The following CHRM2 variants were observed in gnomAD, a reference collection of about 807,000 sequenced individuals.
CHRM2 encodes the protein muscarinic acetylcholine receptor M2.
In CHRM2, 8 loss-of-function variants were observed where a neutral mutation model predicts 25.0. The observed-to-expected ratio is 0.32, with a 90% CI of 0.19 to 0.58. CHRM2 has a LOEUF of 0.58. Among genes scored for constraint, CHRM2 ranks in the 20% least tolerant of loss-of-function variants. The pLI, the probability that CHRM2 is intolerant of heterozygous loss-of-function variation, is 0.88. For synonymous variants in CHRM2, 202 were observed against 205.7 expected (o/e 0.98, Z 0.15); for missense variants, 440 against 567.1 (o/e 0.78, Z 2.28).
chr7:136,997,943 A>G (rs1009042212), intron 3 of CHRM2, among the ~76,000 whole-genome samples: 1 of 152,214 alleles, frequency 6.6e-6, no homozygotes, highest in African/African-American at 2.4e-5. Context: ...CAGAGGTGTC[A>G]GTTAATTGAG....
In CHRM2 at chr7:137,014,983, G is replaced by A. The variant is rs779754715; in HGVS notation, c.118G>A (p.Gly40Arg). The change falls in exon 4 of 4, where the codon GGG (glycine) becomes AGG (arginine). Residue 40 changes from glycine (G) to arginine (R), a missense_variant. Coordinates refer to ENST00000680005, the MANE Select transcript of CHRM2 (RefSeq NM_001006630.2). ...ATCCCTCAGTTTGGTGACCATTATC[G>A]GGAACATCCTAGTCATGGTTTCCAT... ...AGSLSLVTIIGNILVMVSIKV... is the reference protein window; with the variant it reads ...AGSLSLVTIIRNILVMVSIKV... 1 of 1,613,164 alleles carries A rather than the reference G, an allele frequency of 6.2e-7. No homozygotes were observed. The highest frequency in any genetic ancestry group is 1.1e-5 in the South Asian group (1 of 91,066).
At chr7:136,973,566 C>T (rs1485054190) in intron 2 of CHRM2, among the ~76,000 whole-genome samples, 6 of 79,428 alleles carry the variant, frequency 7.6e-5, no homozygotes, top group African/African-American at 2.0e-4. Context: ...TAGGTGATGA[C>T]GGTGACGGTG....
At chr7:136,941,763 TTGAGAC>T (rs1234924793) in intron 2 of CHRM2, among the ~76,000 whole-genome samples, 2 of 152,206 alleles carry the variant, frequency 1.3e-5, no homozygotes, top group African/African-American at 2.4e-5. Context: ...ATTGTTAACT[TTGAGAC>T]TGTTGTAAGG....
At chr7:136,970,705 A>T (rs202154849) in intron 2 of CHRM2, among the ~76,000 whole-genome samples, 2 of 151,894 alleles carry the variant, frequency 1.3e-5, no homozygotes, top group Non-Finnish European at 2.9e-5. Context: ...CTGAAAAAAA[A>T]GTTTTTCAAA....
At chr7:136,978,091 G>C (rs951422335) in intron 2 of CHRM2, among the ~76,000 whole-genome samples, 1 of 152,060 alleles carries the variant, frequency 6.6e-6, no homozygotes, top group African/African-American at 2.4e-5. Flanking sequence ...GGGAACACGG[G>C]CTGGAAAACT....
chr7:136,924,317 T>C (rs1798613464), intron 2 of CHRM2, among the ~76,000 whole-genome samples: 1 of 151,446 alleles, frequency 6.6e-6, no homozygotes, highest in South Asian at 2.1e-4. Flanking sequence ...ACCCAGTAAC[T>C]CGTCATTTAA....
chr7:136,930,574 A>G (rs1439682786), intron 2 of CHRM2, among the ~76,000 whole-genome samples: 4 of 135,716 alleles, frequency 2.9e-5, no homozygotes, highest in Non-Finnish European at 4.7e-5. Context: ...AGCTAAAATC[A>G]TCAGTGCTTA....
intron 3 of CHRM2, among the ~76,000 whole-genome samples, chr7:137,005,727 T>A (rs1278564751): frequency 6.6e-6 from 1 of 152,120 alleles, no homozygotes; most frequent in African/African-American, 2.4e-5. Flanking sequence ...CTAGAACAAC[T>A]GCTTTTATTC....
At chr7:136,917,160 CT>C (rs11335309) in intron 2 of CHRM2, among the ~76,000 whole-genome samples, 41,080 of 144,904 alleles carry the variant, frequency 0.28, 5,697 homozygotes, top group East Asian at 0.4. Context: ...AGCTTTCTCA[CT>C]TTTTTTTTTT....
intron 2 of CHRM2, among the ~76,000 whole-genome samples, chr7:136,878,816 T>C (rs1796148523): frequency 6.6e-6 from 1 of 151,838 alleles, no homozygotes; most frequent in Non-Finnish European, 1.5e-5. Flanking sequence ...ACATCTAAGG[T>C]CAAGGATCAG....
intron 2 of CHRM2, chr7:136,871,915 A>G (rs1047615346): frequency 2.0e-5 from 3 of 148,740 alleles, no homozygotes; most frequent in African/African-American, 2.4e-5. Context: ...TGTTACTACT[A>G]TTATCAAAAT....
At chr7:136,962,806 C>T (rs529010427) in intron 2 of CHRM2, among the ~76,000 whole-genome samples, 1 of 152,248 alleles carries the variant, frequency 6.6e-6, no homozygotes, top group Non-Finnish European at 1.5e-5. Context: ...TGAAAAACCG[C>T]CTCATTGTGA....
chr7:136,999,166 A>G (rs1441694744), intron 3 of CHRM2, among the ~76,000 whole-genome samples: 1 of 152,154 alleles, frequency 6.6e-6, no homozygotes, highest in Non-Finnish European at 1.5e-5. Context: ...AATGGAAATC[A>G]GTTGAGTCAT....
At chr7:136,988,590 C>A (rs1237509879) in intron 2 of CHRM2, among the ~76,000 whole-genome samples, 1 of 152,016 alleles carries the variant, frequency 6.6e-6, no homozygotes, top group African/African-American at 2.4e-5. Context: ...CCAATGGTAC[C>A]GTCAGCTTCA....
intron 2 of CHRM2, among the ~76,000 whole-genome samples, chr7:136,980,767 C>T (rs1228527540): frequency 6.6e-6 from 1 of 152,140 alleles, no homozygotes; most frequent in African/African-American, 2.4e-5. Flanking sequence ...TGTGTTGAAC[C>T]AGCCTTGCAT....
chr7:136,971,223 T>G (rs1209287586), intron 2 of CHRM2, among the ~76,000 whole-genome samples: 1 of 152,180 alleles, frequency 6.6e-6, no homozygotes, highest in East Asian at 1.9e-4. Flanking sequence ...GCTAAAATAG[T>G]TGTCCTCAAG....
chr7:136,933,479 A>G (rs1434005472), intron 2 of CHRM2, among the ~76,000 whole-genome samples: 2 of 152,204 alleles, frequency 1.3e-5, no homozygotes, highest in African/African-American at 4.8e-5. Context: ...TACGTTGTTG[A>G]TAAGAATGAA....
Position 137,015,584 on chromosome 7 carries a change from T to C in CHRM2, c.719T>C (p.Ile240Thr), listed in dbSNP as rs749964257. The C allele has an allele frequency of 1.9e-6, 3 of 1,612,650 alleles. No individual in the cohort carries two copies. Among genetic ancestry groups the C allele is most frequent in the Admixed American group, 3.3e-5 (2 of 59,828 alleles). Residue 240 changes from isoleucine (I) to threonine (T), a missense_variant, in exon 4 of 4, where the codon ATA (isoleucine) becomes ACA (threonine). Ile to Thr is a moderately conservative substitution (Grantham distance 89). Coordinates refer to ENST00000680005, the MANE Select transcript of CHRM2 (RefSeq NM_001006630.2). The surrounding 1 kb of genome is among the most constrained non-coding windows in gnomAD (Gnocchi z 5.1). The part of the protein sequence containing the change: ...PVSPSLVQGR[I>T]VKPNNNNMPS... ...TCTCCAAGTCTGGTACAAGGAAGGA[T>C]AGTGAAGCCAAACAATAACAACATG...
intron 2 of CHRM2, among the ~76,000 whole-genome samples, chr7:136,930,192 G>T (rs1798979472): frequency 6.6e-6 from 1 of 152,084 alleles, no homozygotes; most frequent in African/African-American, 2.4e-5. Context: ...CAGCACTTTG[G>T]GAAGCCGACG....
Sources: gnomAD v4.1 joint callset for allele counts (sites outside exome capture counted in the v4.1 genomes callset) on GRCh38, gnomAD v4.1.1 for gene constraint, Gnocchi (gnomAD v3.1) non-coding constraint, MANE v1.5 for transcripts, NCBI Gene and HGNC (gene_info 2026-07-23, HGNC 2026-07-21) for gene names.